CDH18: variants seen among roughly 807,000 people sequenced by gnomAD.
CDH18 encodes cadherin 18.
In CDH18, 31 loss-of-function variants were observed where a neutral mutation model predicts 67.9. The ratio of observed to expected loss-of-function variants is 0.46; its 90% CI spans 0.34 to 0.62. The LOEUF is 0.62. Ranked by LOEUF, CDH18 falls within the 20% of genes least tolerant of loss-of-function variation. The pLI, the probability that CDH18 is intolerant of heterozygous loss-of-function variation, is 0.01. For missense variants in CDH18, 890 were observed against 975.5 expected, an observed-to-expected ratio of 0.91 and a Z score of 1.17; for synonymous variants, 362 against 347.2, an observed-to-expected ratio of 1.04 and a Z score of -0.48.
chr5:19,509,315 G>C lies in CDH18; in HGVS notation c.1513-6206C>G, dbSNP rs145743835. ...AAGGGCAGAGAGTGGGAAGGGGCAA[G>C]GGTTGAAAAATAACCTGTTGGGCAC... On this transcript the variant is annotated intron_variant, in intron 10 of 12. Coordinates refer to ENST00000382275, the MANE Select transcript of CDH18 (RefSeq NM_004934.5). 2.7e-4 allele frequency among the ~76,000 whole-genome samples: 41 copies of C among 152,154 alleles called. 1 individual carries two copies. The highest frequency in any genetic ancestry group is 9.4e-4 in the African/African-American group (39 of 41,538).
intron 5 of CDH18, among the ~76,000 whole-genome samples, chr5:19,702,585 G>T (rs1336010263): frequency 6.6e-6 from 1 of 151,952 alleles, no homozygotes; most frequent in Non-Finnish European, 1.5e-5. Context: ...GGCCAACATA[G>T]TAAAACCCCG....
chr5:19,629,149 G>A (rs1042685087), intron 5 of CDH18, among the ~76,000 whole-genome samples: 3 of 152,154 alleles, frequency 2.0e-5, no homozygotes, highest in Non-Finnish European at 2.9e-5. Flanking sequence ...GAATTTTTAA[G>A]CATAAGAAGA....
chr5:20,503,300 TA>T, intron 1 of CDH18, among the ~76,000 whole-genome samples: 1 of 152,096 alleles, frequency 6.6e-6, no homozygotes, highest in South Asian at 2.1e-4. Context: ...TGATATTATA[TA>T]AGCGAAAACT....
At chr5:20,090,744 T>C (rs112727192) in intron 2 of CDH18, among the ~76,000 whole-genome samples, 225 of 151,964 alleles carry the variant, frequency 1.5e-3, no homozygotes, top group African/African-American at 5.0e-3. Context: ...AAAAAAGAAA[T>C]ACTGGCTGGG....
chr5:19,853,745 G>A (rs543414365), intron 2 of CDH18, among the ~76,000 whole-genome samples: 6 of 152,140 alleles, frequency 3.9e-5, no homozygotes, highest in East Asian at 1.9e-4. Context: ...AGCTAGTATC[G>A]TTCACCAGAG....
At chr5:20,520,062 A>G (rs1343852411) in intron 1 of CDH18, among the ~76,000 whole-genome samples, 2 of 143,730 alleles carry the variant, frequency 1.4e-5, no homozygotes, top group Non-Finnish European at 3.0e-5. Flanking sequence ...GGTCTTCCAA[A>G]GTGCTGGGAT....
intron 1 of CDH18, among the ~76,000 whole-genome samples, chr5:20,428,706 T>A (rs1330503322): frequency 1.3e-5 from 2 of 152,166 alleles, no homozygotes; most frequent in Non-Finnish European, 2.9e-5. Context: ...GATGATGCAC[T>A]TTTTTTCATA....
intron 2 of CDH18, among the ~76,000 whole-genome samples, chr5:20,155,731 A>G (rs983407633): frequency 2.6e-5 from 4 of 152,134 alleles, no homozygotes; most frequent in African/African-American, 7.2e-5. Context: ...TATTTGATCC[A>G]TCTAGGGTTA....
intron 7 of CDH18, among the ~76,000 whole-genome samples, chr5:19,585,149 A>G (rs1000765475): frequency 1.3e-5 from 2 of 152,198 alleles, no homozygotes; most frequent in African/African-American, 4.8e-5. Context: ...AATAGAATGA[A>G]CCATTAATAT....
intron 1 of CDH18, among the ~76,000 whole-genome samples, chr5:20,536,498 T>A (rs1460691582): frequency 6.6e-6 from 1 of 152,132 alleles, no homozygotes; most frequent in Non-Finnish European, 1.5e-5. Context: ...AGAATAAACT[T>A]CCCTCATGCT....
chr5:19,526,225 T>A (rs531626713), intron 9 of CDH18, among the ~76,000 whole-genome samples: 177 of 152,260 alleles, frequency 1.2e-3, no homozygotes, highest in Non-Finnish European at 2.0e-3. Flanking sequence ...TCTTAATAAT[T>A]TCTGAATATT....
chr5:19,489,395 C>A (rs900839527), intron 11 of CDH18, among the ~76,000 whole-genome samples: 12 of 151,630 alleles, frequency 7.9e-5, no homozygotes, highest in African/African-American at 2.9e-4. Context: ...CTACAGGCGC[C>A]CGCCACCACA....
chr5:19,501,488 C>T (rs1826540), intron 11 of CDH18, among the ~76,000 whole-genome samples: 4,487 of 135,554 alleles, frequency 0.033, 227 homozygotes, highest in African/African-American at 0.12. Context: ...AGGCATGGTA[C>T]GAGAGCAAAC....
At chr5:19,592,913 G>A (rs902254670) in intron 6 of CDH18, among the ~76,000 whole-genome samples, 3 of 151,900 alleles carry the variant, frequency 2.0e-5, no homozygotes, top group Non-Finnish European at 4.4e-5. Context: ...CTTGAAATAT[G>A]CAGTACTATA....
chr5:20,033,049 T>G (rs963884529), intron 2 of CDH18, among the ~76,000 whole-genome samples: 1 of 151,974 alleles, frequency 6.6e-6, no homozygotes, highest in Non-Finnish European at 1.5e-5. Context: ...TCCCAATATT[T>G]TCCTTGCATG....
chr5:19,993,631 C>A (rs936694414), intron 2 of CDH18, among the ~76,000 whole-genome samples: 1 of 151,932 alleles, frequency 6.6e-6, no homozygotes, highest in African/African-American at 2.4e-5. Flanking sequence ...TAGATATATA[C>A]ACATATATAT....
chr5:19,881,224 T>C (rs151321760), intron 2 of CDH18, among the ~76,000 whole-genome samples: 368 of 152,308 alleles, frequency 2.4e-3, no homozygotes, highest in Admixed American at 4.0e-3. Context: ...CAATGCCTTG[T>C]TTTAATAGTG....
At chr5:19,902,637 G>T (rs1790068226) in intron 2 of CDH18, among the ~76,000 whole-genome samples, 1 of 152,204 alleles carries the variant, frequency 6.6e-6, no homozygotes, top group African/African-American at 2.4e-5. Context: ...ACCCAGCCAA[G>T]CTGTTCCCAG....
chr5:20,320,810 G>T (rs1213707718), intron 1 of CDH18, among the ~76,000 whole-genome samples: 1 of 152,122 alleles, frequency 6.6e-6, no homozygotes, highest in Non-Finnish European at 1.5e-5. Flanking sequence ...CCCATGAGGG[G>T]ACTGATGGAG....
Sources: gnomAD v4.1 joint callset for allele counts (sites outside exome capture counted in the v4.1 genomes callset) on GRCh38, gnomAD v4.1.1 for gene constraint, MANE v1.5 for transcripts, NCBI Gene and HGNC (gene_info 2026-07-23, HGNC 2026-07-21) for gene names.